The following CYP4Z1 variants were observed in gnomAD, a reference collection of about 807,000 sequenced individuals.
CYP4Z1 encodes the protein cytochrome P450 family 4 subfamily Z member 1, also known as cytochrome P450 4Z1.
Under a neutral mutation model 54.2 loss-of-function variants are expected in CYP4Z1, and 41 were observed. The observed-to-expected ratio is 0.76, with a 90% CI of 0.59 to 0.98. The LOEUF is 0.98. Ranked by LOEUF, CYP4Z1 falls within the 50% of genes least tolerant of loss-of-function variation. The pLI is 0.00. For missense variants in CYP4Z1, 513 were observed against 599.0 expected (o/e 0.86, Z 1.50); for synonymous variants, 163 against 206.2 (o/e 0.79, Z 1.79).
rs1261472100 is a variant in CYP4Z1 at position 47,082,424 on chromosome 1, T to G, written c.455T>G (p.Phe152Cys). 4 of 1,613,690 alleles carry G rather than the reference T, an allele frequency of 2.5e-6. No individual in the cohort carries two copies. In the East Asian group the frequency reaches 6.7e-5, roughly 27 times the overall value. The part of the protein sequence containing the change: ...PGFNISILKI[F>C]ITMMSESVRM... ...TTCAACATCAGCATTCTGAAAATAT[T>G]CATCACCATGATGTCTGAGAGTGTT... Residue 152 changes from phenylalanine (F) to cysteine (C), a missense_variant, in exon 4 of 12, where the codon TTC becomes TGC. Phe to Cys is a radical substitution (Grantham distance 205). Transcript: ENST00000334194.
chr1:47,082,403 A>T lies in CYP4Z1; in HGVS notation c.434A>T (p.Asn145Ile), dbSNP rs757146734. The T allele has an allele frequency of 6.2e-7, 1 of 1,613,794 alleles. No individual in the cohort carries two copies. The highest frequency in any genetic ancestry group is 8.5e-7 in the Non-Finnish European group (1 of 1,179,900). Residue 145 changes from asparagine to isoleucine, a missense_variant, in exon 4 of 12, where the codon AAC becomes ATC. By Grantham distance (149) the Asn-to-Ile change is moderately radical (BLOSUM62 -3). Coordinates refer to ENST00000334194, the MANE Select transcript of CYP4Z1 (RefSeq NM_178134.3). Reference sequence around the variant, plus strand: ...CGCCAGATTGTGAAACCTGGCTTCAACATCAGCATTCTGAAAATATTCATC... The same window carrying T: ...CGCCAGATTGTGAAACCTGGCTTCATCATCAGCATTCTGAAAATATTCATC... ...KHRQIVKPGF[N>I]ISILKIFITM... is the part of the protein sequence containing the mutation.
At chr1:47,096,117 T>TA (rs142634705) in intron 7 of CYP4Z1, among the ~76,000 whole-genome samples, 1,702 of 151,850 alleles carry the variant, frequency 0.011, 35 homozygotes, top group African/African-American at 0.038. Context: ...AATGACTTGT[T>TA]AAAAAAAAAT....
intron 5 of CYP4Z1, 26 bp from the exon 6 acceptor site, chr1:47,084,798 A>G: frequency 6.2e-6 from 10 of 1,602,102 alleles, no homozygotes; most frequent in East Asian, 2.2e-5. Flanking sequence ...ACCCACTAAC[A>G]TGTTGTTCCA....
chr1:47,092,282 T>C (rs1214037850), intron 6 of CYP4Z1, among the ~76,000 whole-genome samples: 2 of 152,042 alleles, frequency 1.3e-5, no homozygotes, highest in African/African-American at 4.8e-5. Flanking sequence ...TCTCTCCTTC[T>C]CCTGAGCTTT....
rs1189868992 is a variant in CYP4Z1, at chr1:47,094,669, AG to A, written c.876+1del. ...TTCTGGACATACTTTTGAGTGCCAA[AG>A]TAAGTCTTCTAAACTTCTGAACACA... On this transcript the variant is annotated splice_donor_variant, in intron 7 of 11. Transcript: ENST00000334194. LOFTEE classifies it high-confidence loss of function. 6.2e-7 allele frequency: 1 copy of A among 1,608,524 alleles called. No individual in the cohort carries two copies. Among genetic ancestry groups the A allele is most frequent in the African/African-American group, 1.3e-5 (1 of 74,530 alleles).
rs1191678846 is a variant in CYP4Z1, at chr1:47,102,072, T to C, written c.1067+2788T>C. On this transcript the variant is annotated intron_variant, in intron 8 of 11. Transcript: ENST00000334194. ...TCTCTGATATAAACATAGCTCCTCC[T>C]ACTCATTTTTGGTTTCTGTTTGCAT... Among the ~76,000 whole-genome samples, 3 of 152,202 alleles carry C rather than the reference T, an allele frequency of 2.0e-5. No individual in the cohort carries two copies. The East Asian group carries it at 5.8e-4, about 29-fold the overall frequency.
upstream of CYP4Z1, among the ~76,000 whole-genome samples, chr1:47,062,962 C>T (rs1360669181): frequency 1.3e-5 from 2 of 152,168 alleles, no homozygotes; most frequent in Non-Finnish European, 2.9e-5. Context: ...AAAACAAAAC[C>T]AAGGACCCTC....
chr1:47,101,042 G>A (rs1644717837), intron 8 of CYP4Z1, among the ~76,000 whole-genome samples: 2 of 152,150 alleles, frequency 1.3e-5, no homozygotes, highest in Admixed American at 6.6e-5. Flanking sequence ...GTTTGTTAGT[G>A]TGCAGTTGTT....
chr1:47,094,627 G>A lies in CYP4Z1; in HGVS notation c.834G>A (p.Gln278=). The change falls in exon 7 of 12, where the codon CAG becomes CAA. Residue 278 remains glutamine, a synonymous_variant. Transcript: ENST00000334194. ...ATAAGCTAAAACAAGATACTACTCA[G>A]AAAAGGCGCTGGGATTTTCTGGACA... The part of the protein sequence containing the change: ...LKDKLKQDTT[Q]KRRWDFLDIL... 2 of 1,611,588 alleles carry A rather than the reference G, an allele frequency of 1.2e-6. No homozygotes were observed. Among genetic ancestry groups the A allele is most frequent in the Non-Finnish European group, 1.7e-6 (2 of 1,179,094 alleles).
chr1:47,087,225 T>G (rs1644602646), intron 6 of CYP4Z1, among the ~76,000 whole-genome samples: 1 of 152,192 alleles, frequency 6.6e-6, no homozygotes, highest in Non-Finnish European at 1.5e-5. Context: ...TTTCCAATTC[T>G]GTGAAGAAAG....
At chr1:47,103,357 T>A (rs63118062) in intron 8 of CYP4Z1, among the ~76,000 whole-genome samples, 2 of 149,470 alleles carry the variant, frequency 1.3e-5, no homozygotes, top group African/African-American at 5.0e-5. Context: ...TTTTTTTTTT[T>A]AATAGAGATA....
At chr1:47,111,373 C>T (rs1389266325) in intron 9 of CYP4Z1, among the ~76,000 whole-genome samples, 5 of 152,014 alleles carry the variant, frequency 3.3e-5, no homozygotes, top group Admixed American at 6.6e-5. Flanking sequence ...TTAGTGGAGA[C>T]GGGGTTTCAC....
intron 9 of CYP4Z1, chr1:47,115,308 A>T: frequency 2.6e-6 from 1 of 383,588 alleles, no homozygotes; most frequent in Non-Finnish European, 4.9e-6. Flanking sequence ...GGGTGGAGGG[A>T]GGGGGGATGG....
In CYP4Z1 at chr1:47,068,679, G is replaced by T; in HGVS notation, c.235G>T (p.Ala79Ser). ...TAAGCTGATGGAAAAATACCCATGTGCTGTTCCCTTGTGGGTTGGACCCTT... is the reference window on the plus strand; with the variant it reads ...TAAGCTGATGGAAAAATACCCATGTTCTGTTCCCTTGTGGGTTGGACCCTT... Reference protein sequence around the residue: ...YHKLMEKYPCAVPLWVGPFTM... With the variant: ...YHKLMEKYPCSVPLWVGPFTM... Residue 79 changes from alanine to serine, a missense_variant, in exon 2 of 12, where the codon GCT becomes TCT. Transcript: ENST00000334194. 6.2e-7 allele frequency: 1 copy of T among 1,614,138 alleles called. No individual in the cohort carries two copies. Among genetic ancestry groups the T allele is most frequent in the Non-Finnish European group, 8.5e-7 (1 of 1,180,008 alleles).
At chr1:47,098,543 T>C (rs1644696777) in intron 7 of CYP4Z1, among the ~76,000 whole-genome samples, 1 of 152,258 alleles carries the variant, frequency 6.6e-6, no homozygotes, top group Non-Finnish European at 1.5e-5. Context: ...ATATTTTGTC[T>C]ATTCAACTTG....
In CYP4Z1 at chr1:47,104,594, G is replaced by A. The variant is rs769532206; in HGVS notation, c.1068-1534G>A. On this transcript the variant is annotated intron_variant, in intron 8 of 11. Coordinates refer to ENST00000334194, the MANE Select transcript of CYP4Z1 (RefSeq NM_178134.3). The stretch of plus-strand genomic sequence containing the variant: ...GGCTGAGCAGGCCAGTCCCCAGCCC[G>A]CAGTTGACACATGTGGGTGGATACC... Among the ~76,000 whole-genome samples the A allele has an allele frequency of 3.3e-5, 5 of 152,180 alleles. No individual in the cohort carries two copies. In the South Asian group the frequency reaches 8.3e-4, roughly 25 times the overall value.
intron 1 of CYP4Z1, 48 bp downstream of exon 1, chr1:47,067,715 G>T: frequency 2.7e-6 from 4 of 1,488,976 alleles, no homozygotes; most frequent in Non-Finnish European, 3.6e-6. Context: ...GAAAGATGAG[G>T]TATTAAAAAA....
At chr1:47,106,301 T>C (rs754570825) in intron 9 of CYP4Z1, 40 bp downstream of exon 9, 7 of 1,590,714 alleles carry the variant, frequency 4.4e-6, no homozygotes, top group Non-Finnish European at 6.0e-6. Context: ...AATGCAGCTG[T>C]GCTGGATTGA....
intron 9 of CYP4Z1, chr1:47,115,314 G>A (rs1459991191): frequency 2.5e-6 from 1 of 395,436 alleles, no homozygotes; most frequent in African/African-American, 2.1e-5. Flanking sequence ...AGGGAGGGGG[G>A]ATGGATAGCA....
Sources: gnomAD v4.1 joint callset for allele counts (sites outside exome capture counted in the v4.1 genomes callset) on GRCh38, gnomAD v4.1.1 for gene constraint, MANE v1.5 for transcripts, NCBI Gene and HGNC (gene_info 2026-07-23, HGNC 2026-07-21) for gene names.